WBP11: variants seen among roughly 807,000 people sequenced by gnomAD.
The protein encoded by WBP11 is WW domain-binding protein 11.
WBP11 carries 12 observed loss-of-function variants against 66.7 expected under a neutral mutation model. The ratio of observed to expected loss-of-function variants is 0.18; its 90% CI spans 0.12 to 0.29. WBP11 has a LOEUF of 0.29. Among genes scored for constraint, WBP11 ranks in the 10% least tolerant of loss-of-function variants. The probability of loss-of-function intolerance (pLI) is 1.00; values close to 1 mark genes in which losing one functional copy is unlikely to be tolerated. For synonymous variants in WBP11, 255 were observed against 273.8 expected, an observed-to-expected ratio of 0.93 and a Z score of 0.68; for missense variants, 555 against 818.3, an observed-to-expected ratio of 0.68 and a Z score of 3.93.
intron 5 of WBP11, among the ~76,000 whole-genome samples, 161 bp from the exon 6 acceptor site, chr12:14,795,265 T>G (rs1174899138): frequency 6.6e-6 from 1 of 152,194 alleles, no homozygotes; most frequent in East Asian, 1.9e-4. Flanking sequence ...TACTTCCACA[T>G]TGTCAAAGAA....
rs141625773 is a variant in WBP11, at chr12:14,791,215, G to A, written c.969C>T (p.Asn323=). The A allele has an allele frequency of 1.9e-6, 3 of 1,613,968 alleles. No individual in the cohort carries two copies. The African/African-American group carries it at 4.0e-5, about 22-fold the overall frequency. Residue 323 remains asparagine, a synonymous_variant, in exon 9 of 12, where the codon AAC becomes AAT. Transcript: ENST00000261167. ...MPGKSRKKKK[N]MKELTPLQAM... ...CTTGAAGAGGAGTCAGTTCCTTCAT[G>A]TTCTTCTTTTTCTTCCTTGATTTTC... is the stretch of plus-strand genomic sequence containing the variant.
chr12:14,794,873 C>T, intron 6 of WBP11, 98 bp downstream of exon 6: 1 of 1,596,988 alleles, frequency 6.3e-7, no homozygotes, highest in Admixed American at 1.7e-5. Context: ...CTGTTTACAT[C>T]CATATTGTCT....
At chr12:14,795,901 CAT>C (rs1210661059) in intron 5 of WBP11, among the ~76,000 whole-genome samples, 1 of 152,070 alleles carries the variant, frequency 6.6e-6, no homozygotes, top group East Asian at 1.9e-4. Flanking sequence ...AAATGGGAGA[CAT>C]ATTACCTCCT....
intron 4 of WBP11, 77 bp from the exon 5 acceptor site, chr12:14,797,080 A>T: frequency 7.9e-7 from 1 of 1,257,916 alleles, no homozygotes; most frequent in Non-Finnish European, 1.1e-6. Flanking sequence ...CATGATAAAA[A>T]CCTCCATATA....
chr12:14,789,542 G>A (rs941529033), intron 10 of WBP11, among the ~76,000 whole-genome samples: 14 of 152,010 alleles, frequency 9.2e-5, no homozygotes, highest in Admixed American at 2.6e-4. Flanking sequence ...CTGAGATTGC[G>A]CCATTGCACT....
chr12:14,787,543 A>C (rs760584916), intron 11 of WBP11, 45 bp from the exon 12 acceptor site: 16 of 1,414,298 alleles, frequency 1.1e-5, no homozygotes, highest in African/African-American at 1.4e-5. Flanking sequence ...AGAACTAATA[A>C]AATTTAACTA....
At position 14,786,312 on chromosome 12, in the gene WBP11, C is replaced by CT. The variant is rs1210585167; in HGVS notation, c.*752dup. 1 of 152,100 alleles carries CT rather than the reference C, an allele frequency of 6.6e-6. No homozygotes were observed. Among genetic ancestry groups the CT allele is most frequent in the Non-Finnish European group, 1.5e-5 (1 of 68,000 alleles). The allele number at this position is 152,100 out of a possible 1,614,324, so 9.4% of individuals were successfully genotyped here. A position where few individuals can be genotyped will look rare whatever the true frequency, so the allele number is the denominator to read the frequency against. On this transcript the variant is annotated 3_prime_UTR_variant, in exon 12 of 12. Coordinates refer to ENST00000261167, the MANE Select transcript of WBP11 (RefSeq NM_016312.3). ...TCTTAAAAAAGGGAAATAATTACTC[C>CT]TTTTTATCCCTTAAAATTTAAAATG...
chr12:14,790,520 T>A lies in WBP11; in HGVS notation c.1245A>T (p.Pro415=), dbSNP rs1456101472. ...PPMPGPPPLG[P]PPAPPLRPPG... ...GAGGCCGTAATGGTGGAGCAGGTGG[T>A]GGTCCAAGAGGTGGTGGTCCTGGCA... Residue 415 remains proline (P), a synonymous_variant, in exon 10 of 12, where the codon CCA becomes CCT. Transcript: ENST00000261167. 1 of 1,613,996 alleles carries A rather than the reference T, an allele frequency of 6.2e-7. No individual in the cohort carries two copies. Among genetic ancestry groups the A allele is most frequent in the East Asian group, 2.2e-5 (1 of 44,892 alleles).
intron 2 of WBP11, chr12:14,801,076 C>T: frequency 2.2e-6 from 1 of 457,292 alleles, no homozygotes; most frequent in Non-Finnish European, 3.8e-6. Flanking sequence ...TCAAAATTTC[C>T]AATATAAAAA....
In WBP11 at chr12:14,790,725, C is replaced by T. The variant is rs567713836; in HGVS notation, c.1040G>A (p.Arg347Gln). The T allele has an allele frequency of 2.9e-5, 47 of 1,613,900 alleles. No individual in the cohort carries two copies. Among genetic ancestry groups the T allele is most frequent in the Admixed American group, 5.0e-5 (3 of 60,016 alleles). Reference sequence around the variant, plus strand: ...GTCCTCTGAAAATTCCTCTACTTCCCGTCCCTCCTCAGGGATTTCTTGACC... The same window carrying T: ...GTCCTCTGAAAATTCCTCTACTTCCTGTCCCTCCTCAGGGATTTCTTGACC... ...MAGQEIPEEGREVEEFSEDDD... is the reference protein window; with the variant it reads ...MAGQEIPEEGQEVEEFSEDDD... Residue 347 changes from arginine to glutamine, a missense_variant, in exon 10 of 12, where the codon CGG (arginine) becomes CAG (glutamine). Around this residue, in one of 6 missense-constraint regions of WBP11, gnomAD observed 230 missense variants for 286.3 expected, o/e 0.80. Transcript: ENST00000261167.
At chr12:14,792,697 G>C (rs746105349) in intron 8 of WBP11, among the ~76,000 whole-genome samples, 25 of 152,178 alleles carry the variant, frequency 1.6e-4, no homozygotes, top group Admixed American at 3.9e-4. Context: ...GCTGGGTGTG[G>C]TGGCGGGTGC....
chr12:14,795,544 A>G (rs1949883755), intron 5 of WBP11, among the ~76,000 whole-genome samples: 1 of 152,142 alleles, frequency 6.6e-6, no homozygotes, highest in Non-Finnish European at 1.5e-5. Flanking sequence ...AGCCTGGCCA[A>G]TATGGTGAAA....
At chr12:14,801,692 T>G (rs1949965607) in intron 1 of WBP11, among the ~76,000 whole-genome samples, 1 of 152,190 alleles carries the variant, frequency 6.6e-6, no homozygotes, top group Non-Finnish European at 1.5e-5. Context: ...GCTTTTTTCT[T>G]ATGGATCACA....
At chr12:14,795,303 G>A (rs1036645358) in intron 5 of WBP11, among the ~76,000 whole-genome samples, 199 bp from the exon 6 acceptor site, 10 of 152,096 alleles carry the variant, frequency 6.6e-5, no homozygotes, top group African/African-American at 2.4e-4. Context: ...TTCTAAAAAC[G>A]TCAGAACCCA....
intron 1 of WBP11, chr12:14,802,060 G>A (rs891805237): frequency 9.2e-5 from 14 of 152,118 alleles, no homozygotes; most frequent in African/African-American, 3.4e-4. Flanking sequence ...TGAAATTAGT[G>A]CTATACTGAG....
rs781200771 is a variant in WBP11 at position 14,794,958 on chromosome 12, A to G, written c.521+13T>C. The G allele has an allele frequency of 6.2e-7, 1 of 1,612,092 alleles. No individual in the cohort carries two copies. The highest frequency in any genetic ancestry group is 1.1e-5 in the South Asian group (1 of 90,982). ...TTACTAAATGCTCTCTGATTGTGAC[A>G]CTGCTTCCTTACCCATAGGCTGAGG... On this transcript the variant is annotated intron_variant, in intron 6 of 11. Coordinates refer to ENST00000261167, the MANE Select transcript of WBP11 (RefSeq NM_016312.3).
chr12:14,789,440 C>G (rs903787820), intron 10 of WBP11, among the ~76,000 whole-genome samples: 3 of 152,042 alleles, frequency 2.0e-5, no homozygotes, highest in Non-Finnish European at 2.9e-5. Context: ...TAAAAATTAG[C>G]CGGGCATGGT....
chr12:14,791,531 G>C (rs1366891247), intron 8 of WBP11, among the ~76,000 whole-genome samples: 1 of 152,086 alleles, frequency 6.6e-6, no homozygotes, highest in African/African-American at 2.4e-5. Context: ...CTCCTTAAAG[G>C]CTACAAATAA....
intron 4 of WBP11, among the ~76,000 whole-genome samples, chr12:14,798,840 C>T (rs1413336588): frequency 2.0e-5 from 3 of 152,042 alleles, no homozygotes; most frequent in African/African-American, 4.8e-5. Context: ...GTGGCAGAAA[C>T]TTGACAGGTG....
Sources: allele counts gnomAD v4.1 joint callset (sites outside exome capture counted in the v4.1 genomes callset), GRCh38; gene constraint gnomAD v4.1.1; regional missense constraint gnomAD v4.1.1; transcripts MANE v1.5; gene names NCBI Gene and HGNC (gene_info 2026-07-23, HGNC 2026-07-21).